EPHA3: variants seen among roughly 807,000 people sequenced by gnomAD.
EPHA3 encodes ephrin type-A receptor 3.
EPHA3 carries 42 observed loss-of-function variants against 107.1 expected under a neutral mutation model. That is an observed-to-expected ratio of 0.39 (90% CI 0.31 to 0.51). The LOEUF (loss-of-function observed/expected upper bound fraction) is 0.51, where lower values mean the gene tolerates loss of function less well. EPHA3 is among the 20% of genes least tolerant of loss of function. The pLI is 0.78. For synonymous variants in EPHA3, 461 were observed against 424.8 expected (o/e 1.09, Z -1.05); for missense variants, 1,183 against 1,211.2 (o/e 0.98, Z 0.35).
chr3:89,475,757 A>G (rs1042412924), intron 16 of EPHA3, among the ~76,000 whole-genome samples: 1 of 152,162 alleles, frequency 6.6e-6, no homozygotes, highest in Non-Finnish European at 1.5e-5. Context: ...GTCATCACCT[A>G]TCCCTTTGCC....
At chr3:89,468,064 C>A (rs1394768021) in intron 15 of EPHA3, among the ~76,000 whole-genome samples, 4 of 152,124 alleles carry the variant, frequency 2.6e-5, no homozygotes, top group Non-Finnish European at 4.4e-5. Context: ...TCCCTTGGTG[C>A]GCATGAAGAG....
intron 2 of EPHA3, among the ~76,000 whole-genome samples, chr3:89,146,715 C>T (rs990587423): frequency 2.0e-5 from 3 of 149,290 alleles, no homozygotes; most frequent in South Asian, 2.1e-4. Context: ...GAAGTCTTTG[C>T]CCATGCCTAT....
intron 13 of EPHA3, among the ~76,000 whole-genome samples, chr3:89,446,934 G>A (rs1328059769): frequency 6.6e-6 from 1 of 152,056 alleles, no homozygotes; most frequent in Non-Finnish European, 1.5e-5. Context: ...TTAAGATACT[G>A]TACCTCCCTT....
At chr3:89,310,444 A>C (rs1037766641) in intron 3 of EPHA3, among the ~76,000 whole-genome samples, 11 of 151,990 alleles carry the variant, frequency 7.2e-5, no homozygotes, top group Non-Finnish European at 2.9e-5. Context: ...AAGTAGGTTA[A>C]CTGAAAAGCA....
intron 3 of EPHA3, among the ~76,000 whole-genome samples, chr3:89,266,588 T>C (rs1705543449): frequency 6.6e-6 from 1 of 152,150 alleles, no homozygotes; most frequent in Non-Finnish European, 1.5e-5. Flanking sequence ...TCAATTTTTC[T>C]CCAACCCTAA....
At chr3:89,436,470 G>T (rs980943790) in intron 13 of EPHA3, among the ~76,000 whole-genome samples, 1 of 152,110 alleles carries the variant, frequency 6.6e-6, no homozygotes, top group Admixed American at 6.5e-5. Flanking sequence ...ACCCTTTCCT[G>T]GTTGCTCCTC....
chr3:89,117,166 T>G (rs1233185466), intron 1 of EPHA3, among the ~76,000 whole-genome samples: 2 of 152,130 alleles, frequency 1.3e-5, no homozygotes, highest in Admixed American at 1.3e-4. Flanking sequence ...ACATTCATTT[T>G]GAGAAGGTTA....
At chr3:89,389,797 C>T (rs1708688801) in intron 5 of EPHA3, among the ~76,000 whole-genome samples, 1 of 152,324 alleles carries the variant, frequency 6.6e-6, no homozygotes, top group East Asian at 1.9e-4. Flanking sequence ...CTAACCAGAT[C>T]CCTTCACAAG....
chr3:89,157,170 C>A (rs538136386), intron 2 of EPHA3, among the ~76,000 whole-genome samples: 27 of 151,992 alleles, frequency 1.8e-4, no homozygotes, highest in Non-Finnish European at 3.2e-4. Flanking sequence ...TATGGTAGTG[C>A]GATCCAGTGT....
chr3:89,262,674 C>T (rs1705442937), intron 3 of EPHA3, among the ~76,000 whole-genome samples: 1 of 152,240 alleles, frequency 6.6e-6, no homozygotes, highest in Admixed American at 6.5e-5. Context: ...TTACTCAGCC[C>T]ACCTCTCTCA....
At chr3:89,214,168 CTT>C (rs1704172592) in intron 3 of EPHA3, among the ~76,000 whole-genome samples, 1 of 151,906 alleles carries the variant, frequency 6.6e-6, no homozygotes, top group African/African-American at 2.4e-5. Context: ...GCCAAAAGCT[CTT>C]GTCACTAACA....
chr3:89,383,419 T>A (rs1708549074), intron 5 of EPHA3, among the ~76,000 whole-genome samples: 1 of 152,060 alleles, frequency 6.6e-6, no homozygotes, highest in Non-Finnish European at 1.5e-5. Flanking sequence ...TTAAGTTACA[T>A]CTCTCAACTT....
chr3:89,215,410 T>C (rs1704199807), intron 3 of EPHA3, among the ~76,000 whole-genome samples: 2 of 151,916 alleles, frequency 1.3e-5, no homozygotes, highest in Non-Finnish European at 2.9e-5. Context: ...TAGCTCATTT[T>C]TGAGTCTCTA....
chr3:89,365,539 A>C (rs1402479153), intron 5 of EPHA3, among the ~76,000 whole-genome samples: 3 of 150,776 alleles, frequency 2.0e-5, no homozygotes, highest in African/African-American at 4.8e-5. Context: ...CTGTGCAGCA[A>C]GGGCCCTGCC....
intron 3 of EPHA3, among the ~76,000 whole-genome samples, chr3:89,265,712 T>G (rs993186): frequency 0.22 from 33,310 of 151,976 alleles, 3,971 homozygotes; most frequent in Non-Finnish European, 0.27. Flanking sequence ...AGTGCAGACA[T>G]CAAGGAGTAA....
At chr3:89,407,701 C>A (rs1342463077) in intron 8 of EPHA3, among the ~76,000 whole-genome samples, 2 of 152,106 alleles carry the variant, frequency 1.3e-5, no homozygotes, top group Non-Finnish European at 2.9e-5. Flanking sequence ...CACTTTCTCA[C>A]CCAGAACAGG....
chr3:89,278,634 C>A (rs1705867963), intron 3 of EPHA3, among the ~76,000 whole-genome samples: 1 of 152,014 alleles, frequency 6.6e-6, no homozygotes, highest in African/African-American at 2.4e-5. Context: ...TTCTCAATAA[C>A]CCATAACCAC....
chr3:89,195,908 C>A (rs898541470), intron 2 of EPHA3, among the ~76,000 whole-genome samples: 8 of 152,054 alleles, frequency 5.3e-5, no homozygotes, highest in African/African-American at 1.7e-4. Context: ...TGGTCATTCC[C>A]CACTGTTCTA....
intron 13 of EPHA3, among the ~76,000 whole-genome samples, chr3:89,445,476 G>A (rs1057251941): frequency 3.9e-5 from 6 of 152,120 alleles, no homozygotes; most frequent in South Asian, 2.1e-4. Flanking sequence ...TCTGGCCAGC[G>A]AGGAAAAGAA....
Sources: allele counts gnomAD v4.1 joint callset (sites outside exome capture counted in the v4.1 genomes callset), GRCh38; gene constraint gnomAD v4.1.1; transcripts MANE v1.5; gene names NCBI Gene and HGNC (gene_info 2026-07-23, HGNC 2026-07-21).